The following PARD3 variants were observed in gnomAD, a reference collection of about 807,000 sequenced individuals.
PARD3 encodes the protein par-3 family cell polarity regulator.
PARD3 carries 75 observed loss-of-function variants against 155.4 expected under a neutral mutation model. The ratio of observed to expected loss-of-function variants is 0.48; its 90% CI spans 0.40 to 0.58. The LOEUF is 0.58. Ranked by LOEUF, PARD3 falls within the 20% of genes least tolerant of loss-of-function variation. PARD3 has a pLI of 0.00. For synonymous variants in PARD3, 576 were observed against 610.5 expected (o/e 0.94, Z 0.83); for missense variants, 1,642 against 1,721.7 (o/e 0.95, Z 0.82).
chr10:34,680,509 A>G (rs1183540457), intron 2 of PARD3, among the ~76,000 whole-genome samples: 1 of 151,684 alleles, frequency 6.6e-6, no homozygotes, highest in African/African-American at 2.4e-5. Context: ...CAGTGAACCA[A>G]TATCACACCA....
chr10:34,284,663 C>T (rs756387179), intron 20 of PARD3, among the ~76,000 whole-genome samples: 4 of 152,114 alleles, frequency 2.6e-5, no homozygotes, highest in Non-Finnish European at 5.9e-5. Flanking sequence ...AATAATCTTT[C>T]CATAAACAAC....
intron 22 of PARD3, among the ~76,000 whole-genome samples, chr10:34,266,629 G>A (rs1022339097): frequency 6.6e-6 from 1 of 152,104 alleles, no homozygotes; most frequent in Non-Finnish European, 1.5e-5. Context: ...TAGGATGAGA[G>A]GGGCTTTTGA....
intron 12 of PARD3, among the ~76,000 whole-genome samples, chr10:34,369,132 C>T (rs1840305458): frequency 6.6e-6 from 1 of 151,814 alleles, no homozygotes; most frequent in Admixed American, 6.6e-5. Flanking sequence ...TTTGGAGTGT[C>T]CTAAGGTTAA....
chr10:34,259,812 CTTT>C (rs960912149), intron 22 of PARD3, among the ~76,000 whole-genome samples: 23 of 152,072 alleles, frequency 1.5e-4, no homozygotes, highest in African/African-American at 5.6e-4. Flanking sequence ...GGGAATTTTT[CTTT>C]TTTTCTTTTT....
At chr10:34,219,728 C>T (rs1484037223) in intron 22 of PARD3, among the ~76,000 whole-genome samples, 2 of 152,066 alleles carry the variant, frequency 1.3e-5, no homozygotes, top group Non-Finnish European at 2.9e-5. Flanking sequence ...TCATTTTGTC[C>T]CCATCAAAAA....
At chr10:34,506,072 G>A (rs2081043644) in intron 3 of PARD3, among the ~76,000 whole-genome samples, 1 of 152,120 alleles carries the variant, frequency 6.6e-6, no homozygotes, top group African/African-American at 2.4e-5. Flanking sequence ...GTCGCGGTGA[G>A]CCGAGATGGC....
At chr10:34,392,028 G>A (rs1217832554) in intron 7 of PARD3, among the ~76,000 whole-genome samples, 1 of 152,070 alleles carries the variant, frequency 6.6e-6, no homozygotes, top group Non-Finnish European at 1.5e-5. Flanking sequence ...ATAGTGGTGT[G>A]TGCCTGTGGT....
In PARD3 at chr10:34,512,911, C is replaced by T. The variant is rs528229990; in HGVS notation, c.403+4068G>A. ...CCCAAAAATCTAAGATTAACAATAC[C>T]AACGACAAACAGTTTCCGGGTCCTT... is the stretch of plus-strand genomic sequence containing the variant. On this transcript the variant is annotated intron_variant, in intron 3 of 24. Transcript: ENST00000374788. Among the ~76,000 whole-genome samples the T allele has an allele frequency of 3.3e-5, 5 of 152,104 alleles. No homozygotes were observed. In the South Asian group the frequency reaches 8.3e-4, roughly 25 times the overall value.
chr10:34,343,643 A>T, intron 15 of PARD3: 1 of 985,320 alleles, frequency 1.0e-6, no homozygotes, highest in Non-Finnish European at 1.2e-6. Flanking sequence ...ATGGACAGCT[A>T]AAAAACTTTA....
chr10:34,330,808 G>GA (rs1304639786), intron 19 of PARD3, among the ~76,000 whole-genome samples: 1 of 152,100 alleles, frequency 6.6e-6, no homozygotes, highest in African/African-American at 2.4e-5. Context: ...CAATGGCACT[G>GA]TTAAATATTT....
At chr10:34,783,453 A>C (rs1840515202) in intron 1 of PARD3, among the ~76,000 whole-genome samples, 2 of 151,852 alleles carry the variant, frequency 1.3e-5, no homozygotes, top group South Asian at 4.2e-4. Context: ...AAATACAAAA[A>C]ATTAGCTGGG....
intron 9 of PARD3, among the ~76,000 whole-genome samples, chr10:34,378,900 T>C (rs1358844724): frequency 1.3e-5 from 2 of 152,178 alleles, no homozygotes; most frequent in African/African-American, 4.8e-5. Flanking sequence ...CAGACAGTCT[T>C]ACATGCTCAA....
intron 22 of PARD3, among the ~76,000 whole-genome samples, chr10:34,187,890 C>G (rs1282328344): frequency 6.6e-6 from 1 of 152,168 alleles, no homozygotes; most frequent in African/African-American, 2.4e-5. Context: ...TATACTATCT[C>G]TCTACCGTGG....
At chr10:34,559,042 T>TCCCC (rs886905007) in intron 2 of PARD3, among the ~76,000 whole-genome samples, 14 of 149,986 alleles carry the variant, frequency 9.3e-5, no homozygotes, top group African/African-American at 3.0e-4. Context: ...AACTCATTTT[T>TCCCC]CCCCCCCACA....
At chr10:34,738,913 T>C (rs377104714) in intron 1 of PARD3, among the ~76,000 whole-genome samples, 1 of 152,196 alleles carries the variant, frequency 6.6e-6, no homozygotes, top group African/African-American at 2.4e-5. Context: ...CATTGTAGCA[T>C]AAAACATAAA....
intron 2 of PARD3, among the ~76,000 whole-genome samples, chr10:34,583,077 G>C (rs552736076): frequency 6.6e-5 from 10 of 152,292 alleles, no homozygotes; most frequent in Admixed American, 4.6e-4. Flanking sequence ...CAAACTCTTA[G>C]CATGTTTAAG....
intron 22 of PARD3, among the ~76,000 whole-genome samples, chr10:34,230,843 C>T (rs777554430): frequency 6.6e-6 from 1 of 152,050 alleles, no homozygotes; most frequent in African/African-American, 2.4e-5. Flanking sequence ...GCCTGGGCAA[C>T]ACAATGAGAC....
At chr10:34,220,371 G>A (rs1209518616) in intron 22 of PARD3, among the ~76,000 whole-genome samples, 2 of 152,160 alleles carry the variant, frequency 1.3e-5, no homozygotes, top group Non-Finnish European at 2.9e-5. Context: ...GTAACCAAAA[G>A]AACAGTCCCA....
chr10:34,428,539 A>C (rs1036659511), intron 5 of PARD3, among the ~76,000 whole-genome samples: 1 of 152,206 alleles, frequency 6.6e-6, no homozygotes, highest in Non-Finnish European at 1.5e-5. Flanking sequence ...CAAACATTTA[A>C]ATTTAGAAAA....
Sources: allele counts gnomAD v4.1 joint callset (sites outside exome capture counted in the v4.1 genomes callset), GRCh38; gene constraint gnomAD v4.1.1; transcripts MANE v1.5; gene names NCBI Gene and HGNC (gene_info 2026-07-23, HGNC 2026-07-21).